NME9: variants seen among roughly 807,000 people sequenced by gnomAD.
NME9 encodes thioredoxin domain-containing protein 6.
Under a neutral mutation model 44.4 loss-of-function variants are expected in NME9, and 48 were observed. The observed-to-expected ratio is 1.08, with a 90% CI of 0.86 to 1.37. The LOEUF is 1.37. Among genes scored for constraint, NME9 ranks in the 40% most tolerant of loss-of-function variants. The probability of loss-of-function intolerance (pLI) is 0.00; values close to 1 mark genes in which losing one functional copy is unlikely to be tolerated. For missense variants in NME9, 325 were observed against 405.2 expected, an observed-to-expected ratio of 0.80 and a Z score of 1.70; for synonymous variants, 139 against 147.1, an observed-to-expected ratio of 0.94 and a Z score of 0.40.
intron 6 of NME9, among the ~76,000 whole-genome samples, chr3:138,308,274 CA>C (rs2052425051): frequency 6.6e-6 from 1 of 152,122 alleles, no homozygotes. Context: ...ATTCTCCACA[CA>C]TGTAAAAACA....
chr3:138,315,694 T>G, intron 4 of NME9, 51 bp from the exon 5 acceptor site: 3 of 1,382,386 alleles, frequency 2.2e-6, no homozygotes, highest in Non-Finnish European at 3.0e-6. Context: ...TATTAATCTC[T>G]TGTAAGAGAT....
chr3:138,328,605 T>C (rs1165198933), intron 1 of NME9, among the ~76,000 whole-genome samples: 4 of 152,132 alleles, frequency 2.6e-5, no homozygotes, highest in Non-Finnish European at 4.4e-5. Context: ...ATGTTGCAGA[T>C]CATCCAGCTG....
chr3:138,263,143 A>T (rs552801138), intron 8 of NME9, among the ~76,000 whole-genome samples: 1 of 152,370 alleles, frequency 6.6e-6, no homozygotes, highest in South Asian at 2.1e-4. Flanking sequence ...TTTATTTTGT[A>T]TCTAGACATT....
intron 6 of NME9, among the ~76,000 whole-genome samples, chr3:138,311,326 T>G (rs2052687141): frequency 6.6e-6 from 1 of 152,140 alleles, no homozygotes; most frequent in Admixed American, 6.6e-5. Context: ...AAAGAATAAC[T>G]AATACCAATT....
chr3:138,262,506 A>G (rs758589813), exon 9 of NME9: 3 of 1,596,288 alleles, frequency 1.9e-6, no homozygotes, highest in East Asian at 4.5e-5. Context: ...CCACTCTCTC[A>G]TGTTCTAAGG....
chr3:138,281,593 T>C (rs1442373388), intron 8 of NME9, among the ~76,000 whole-genome samples: 1 of 152,070 alleles, frequency 6.6e-6, no homozygotes, highest in Non-Finnish European at 1.5e-5. Flanking sequence ...CCCGGCCTAA[T>C]TGATTTCTTT....
intron 8 of NME9, among the ~76,000 whole-genome samples, chr3:138,271,802 T>C (rs866167375): frequency 1.3e-4 from 18 of 143,696 alleles, no homozygotes; most frequent in South Asian, 6.3e-4. Context: ...TTCTTTCTTT[T>C]TTTTTTTTTT....
intron 6 of NME9, 29 bp from the exon 7 acceptor site, chr3:138,306,509 C>A (rs373518565): frequency 6.8e-7 from 1 of 1,463,300 alleles, no homozygotes; most frequent in East Asian, 2.3e-5. Context: ...CTGTCAGATG[C>A]TGATGTTTGA....
chr3:138,306,346 C>T, intron 7 of NME9, 52 bp downstream of exon 7: 1 of 1,372,082 alleles, frequency 7.3e-7, no homozygotes, highest in Admixed American at 1.7e-5. Flanking sequence ...CCTGTTTATC[C>T]ACAAAAGAGG....
chr3:138,266,210 C>T (rs1422895480), intron 8 of NME9, among the ~76,000 whole-genome samples: 1 of 152,284 alleles, frequency 6.6e-6, no homozygotes, highest in East Asian at 1.9e-4. Context: ...TCTGAATACT[C>T]CTCATTCTCT....
chr3:138,272,599 A>G (rs903679233), intron 8 of NME9, among the ~76,000 whole-genome samples: 9 of 152,240 alleles, frequency 5.9e-5, no homozygotes, highest in African/African-American at 9.6e-5. Context: ...AGAGTTGGCC[A>G]AGCCTGGTGG....
At position 138,301,352 on chromosome 3, in the gene NME9, C is replaced by T; in HGVS notation, c.*288G>A. On this transcript the variant is annotated 3_prime_UTR_variant, in exon 11 of 11. Transcript: ENST00000333911. ...CCCGAGTAGCTGGATGACAGGTGCACACCACCACGCCCGGCTAATTTTTTG... is the reference window on the plus strand; with the variant it reads ...CCCGAGTAGCTGGATGACAGGTGCATACCACCACGCCCGGCTAATTTTTTG... 4.6e-6 allele frequency: 2 copies of T among 432,446 alleles called. No homozygotes were observed. Among genetic ancestry groups the T allele is most frequent in the Non-Finnish European group, 7.2e-6 (2 of 276,694 alleles). 26.8% of individuals were successfully genotyped at this position (432,446 alleles called of 1,614,324 possible).
chr3:138,321,212 G>A (rs2053443285), intron 2 of NME9, among the ~76,000 whole-genome samples: 1 of 152,208 alleles, frequency 6.6e-6, no homozygotes, highest in Admixed American at 6.5e-5. Flanking sequence ...GTCCATTTAT[G>A]CTGCTATAAT....
intron 2 of NME9, among the ~76,000 whole-genome samples, chr3:138,322,425 G>A (rs1312932218): frequency 1.3e-5 from 2 of 151,964 alleles, no homozygotes; most frequent in African/African-American, 4.8e-5. Context: ...ATTTGACTCC[G>A]AGTGAGAGGA....
intron 8 of NME9, chr3:138,263,461 G>T (rs769747744): frequency 2.3e-6 from 1 of 427,254 alleles, no homozygotes; most frequent in Non-Finnish European, 4.3e-6. Flanking sequence ...CACCTCTGCA[G>T]TACTTATACC....
rs759596850 is a variant in NME9 at position 138,318,201 on chromosome 3, C to G, written c.214G>C (p.Asp72His). The change falls in exon 4 of 11, where the codon GAT becomes CAT. Residue 72 changes from aspartate to histidine, a missense_variant. Asp to His is a moderately conservative substitution (Grantham distance 81, BLOSUM62 -1). Coordinates refer to ENST00000333911, the MANE Select transcript of NME9 (RefSeq NM_001349018.2). ...TTCCCTCTGTACTTTTCGAGGACAT[C>G]AAGACGATCTGCCTCTGCCTAAAGA... ...HFALAEADRL[D>H]VLEKYRGKCE... 1 of 1,612,452 alleles carries G rather than the reference C, an allele frequency of 6.2e-7. No individual in the cohort carries two copies. Among genetic ancestry groups the G allele is most frequent in the Admixed American group, 1.7e-5 (1 of 60,024 alleles).
intron 5 of NME9, 54 bp from the exon 6 acceptor site, chr3:138,314,461 A>G (rs1289668923): frequency 4.7e-6 from 5 of 1,060,884 alleles, no homozygotes; most frequent in Non-Finnish European, 7.1e-6. Flanking sequence ...CATTACCACT[A>G]AGACCTTCAA....
At chr3:138,282,987 T>G (rs2050082921) in intron 8 of NME9, among the ~76,000 whole-genome samples, 2 of 152,236 alleles carry the variant, frequency 1.3e-5, no homozygotes, top group Admixed American at 6.5e-5. Flanking sequence ...ATCTGACACC[T>G]TCTCCAGATC....
At chr3:138,275,340 G>T (rs1401375469) in intron 8 of NME9, among the ~76,000 whole-genome samples, 1 of 152,064 alleles carries the variant, frequency 6.6e-6, no homozygotes, top group African/African-American at 2.4e-5. Context: ...GGCGGATCAC[G>T]AGGTCAGGAG....
Sources: allele counts gnomAD v4.1 joint callset (sites outside exome capture counted in the v4.1 genomes callset), GRCh38; gene constraint gnomAD v4.1.1; transcripts MANE v1.5; gene names NCBI Gene and HGNC (gene_info 2026-07-23, HGNC 2026-07-21).